The following FYCO1 variants were observed in gnomAD, a reference collection of about 807,000 sequenced individuals.
FYCO1 encodes FYVE and coiled-coil domain-containing protein 1.
Under a neutral mutation model 165.1 loss-of-function variants are expected in FYCO1, and 122 were observed. The observed-to-expected ratio is 0.74, with a 90% CI of 0.64 to 0.86. The LOEUF (loss-of-function observed/expected upper bound fraction) is 0.86. Ranked by LOEUF, FYCO1 falls within the 40% of genes least tolerant of loss-of-function variation. The probability of loss-of-function intolerance (pLI) is 0.00; values close to 1 mark genes in which losing one functional copy is unlikely to be tolerated. For synonymous variants in FYCO1, 648 were observed against 742.5 expected (o/e 0.87, Z 2.07); for missense variants, 1,702 against 1,810.3 (o/e 0.94, Z 1.09).
chr3:45,933,291 A>G (rs893532929), intron 15 of FYCO1, among the ~76,000 whole-genome samples: 1 of 152,186 alleles, frequency 6.6e-6, no homozygotes, highest in Admixed American at 6.5e-5. Context: ...CCAACCTTTA[A>G]CATGTTTTCA....
At chr3:45,989,613 A>G (rs1707476190) in intron 1 of FYCO1, among the ~76,000 whole-genome samples, 1 of 152,230 alleles carries the variant, frequency 6.6e-6, no homozygotes, top group Non-Finnish European at 1.5e-5. Context: ...TGCCTGGGTC[A>G]TCTTTCCCAA....
chr3:45,929,295 T>A (rs954054597), intron 16 of FYCO1, among the ~76,000 whole-genome samples: 5 of 151,884 alleles, frequency 3.3e-5, no homozygotes, highest in Non-Finnish European at 5.9e-5. Flanking sequence ...GGAGGAAGGC[T>A]CAGTAGGTCC....
chr3:45,980,640 G>A (rs1269781751), intron 3 of FYCO1, among the ~76,000 whole-genome samples: 2 of 152,206 alleles, frequency 1.3e-5, no homozygotes, highest in African/African-American at 2.4e-5. Context: ...CCTTCAGCAC[G>A]TTAGGGGCCT....
intron 8 of FYCO1, among the ~76,000 whole-genome samples, chr3:45,965,930 A>G (rs191555765): frequency 1.1e-4 from 16 of 152,340 alleles, no homozygotes; most frequent in Admixed American, 2.0e-4. Context: ...CAAGGTGAGG[A>G]CGCAGGCTTT....
At position 45,919,478 on chromosome 3, in the gene FYCO1, C is replaced by T. The variant is rs779095156; in HGVS notation, c.*2287G>A. Reference sequence around the variant, plus strand: ...TTTTTGAACAATAGCAGTCAGTGCTCAAGGTGTTGCACGCAAAACATCCAG... The same window carrying T: ...TTTTTGAACAATAGCAGTCAGTGCTTAAGGTGTTGCACGCAAAACATCCAG... On this transcript the variant is annotated 3_prime_UTR_variant, in exon 18 of 18. Coordinates refer to ENST00000296137, the MANE Select transcript of FYCO1 (RefSeq NM_024513.4). The T allele has an allele frequency of 2.0e-5, 3 of 152,232 alleles. No individual in the cohort carries two copies. Among genetic ancestry groups the T allele is most frequent in the Non-Finnish European group, 2.9e-5 (2 of 68,066 alleles). The allele number at this position is 152,232 out of a possible 1,614,324, so 9.4% of individuals were successfully genotyped here. A position where few individuals can be genotyped will look rare whatever the true frequency, so the allele number is the denominator to read the frequency against.
intron 1 of FYCO1, among the ~76,000 whole-genome samples, chr3:45,990,899 A>T (rs1313715737): frequency 6.6e-6 from 1 of 152,014 alleles, no homozygotes; most frequent in African/African-American, 2.4e-5. Context: ...CAGCCTCGTG[A>T]GTAGCTGGGG....
At chr3:45,976,807 A>G (rs1489919214) in intron 4 of FYCO1, among the ~76,000 whole-genome samples, 1 of 152,160 alleles carries the variant, frequency 6.6e-6, no homozygotes, top group Non-Finnish European at 1.5e-5. Context: ...CTTACTGCTG[A>G]CTCAAGGAAA....
chr3:45,966,768 G>A lies in FYCO1; in HGVS notation c.2566C>T (p.Gln856Ter), dbSNP rs1333511035. The A allele has an allele frequency of 1.2e-6, 2 of 1,610,244 alleles. No homozygotes were observed. Among genetic ancestry groups the A allele is most frequent in the Non-Finnish European group, 1.7e-6 (2 of 1,179,986 alleles). Residue 856 changes from glutamine to a stop codon, truncating the protein, a stop_gained, in exon 8 of 18, where the codon CAG becomes TAG. Coordinates refer to ENST00000296137, the MANE Select transcript of FYCO1 (RefSeq NM_024513.4). LOFTEE classifies it high-confidence loss of function. ...TGGGCCTCATCGGCCCTCTCCTCCT[G>A]CAGTGCCCCTTCACGCTCCGAGCAT... ...LQCSEREGAL[Q>*]EERADEAQQR...
At chr3:45,931,011 G>A (rs1391996601) in intron 16 of FYCO1, 60 bp downstream of exon 16, 44 of 1,509,748 alleles carry the variant, frequency 2.9e-5, no homozygotes, top group Non-Finnish European at 3.8e-5. Context: ...TTTGAGAAAG[G>A]CCTGCCCAAG....
chr3:45,958,269 T>A lies in FYCO1; in HGVS notation c.3799+139A>T, dbSNP rs1705467539. ...CAAAATGAAAGTCTCAAGTTGGTGG[T>A]AATATATTTTAGCACCTCTTTAATA... On this transcript the variant is annotated intron_variant, in intron 13 of 17. Coordinates refer to ENST00000296137, the MANE Select transcript of FYCO1 (RefSeq NM_024513.4). 4 of 704,308 alleles carry A rather than the reference T, an allele frequency of 5.7e-6. No homozygotes were observed. The East Asian group carries it at 1.1e-4, about 19-fold the overall frequency. The allele number at this position is 704,308 out of a possible 1,614,324, so 43.6% of individuals were successfully genotyped here.
chr3:45,943,043 G>A lies in FYCO1; in HGVS notation c.3945-6500C>T, dbSNP rs187007160. ...AAAGGCAGGATAATATCCACTGCAG[G>A]GCTGCTATGGGGCTTAACAGCTATC... On this transcript the variant is annotated intron_variant, in intron 14 of 17. Coordinates refer to ENST00000296137, the MANE Select transcript of FYCO1 (RefSeq NM_024513.4). Among the ~76,000 whole-genome samples the A allele has an allele frequency of 1.3e-3, 202 of 152,286 alleles. 1 individual carries two copies. Among genetic ancestry groups the A allele is most frequent in the Middle Eastern group, 0.01 (3 of 294 alleles).
At chr3:45,959,229 T>C (rs952093280) in intron 12 of FYCO1, among the ~76,000 whole-genome samples, 164 bp downstream of exon 12, 2 of 152,234 alleles carry the variant, frequency 1.3e-5, no homozygotes, top group African/African-American at 4.8e-5. Context: ...TCCCAACTAA[T>C]ACACCTTCCT....
At position 45,966,436 on chromosome 3, in the gene FYCO1, C is replaced by T. The variant is rs751081062; in HGVS notation, c.2898G>A (p.Lys966=). The T allele has an allele frequency of 1.9e-6, 3 of 1,612,728 alleles. No homozygotes were observed. Among genetic ancestry groups the T allele is most frequent in the South Asian group, 2.2e-5 (2 of 91,030 alleles). Residue 966 remains lysine (K), a synonymous_variant, in exon 8 of 18, where the codon AAG becomes AAA. Transcript: ENST00000296137. ...QEKESLQEKL[K]AAKAAAGSLP... ...GTGAGCCGGCTGCTGCCTTGGCCGC[C>T]TTCAGCTTCTCCTGCAAGCTCTCCT...
chr3:45,936,723 G>T (rs181217402), intron 14 of FYCO1, among the ~76,000 whole-genome samples, 180 bp from the exon 15 acceptor site: 1 of 152,236 alleles, frequency 6.6e-6, no homozygotes, highest in Admixed American at 6.5e-5. Context: ...GGCTGCAGGG[G>T]CCAGGGCCAA....
chr3:45,963,228 GCACACACACACAC>G (rs1705800607), intron 10 of FYCO1, among the ~76,000 whole-genome samples: 1 of 151,634 alleles, frequency 6.6e-6, no homozygotes, highest in African/African-American at 2.4e-5. Flanking sequence ...GTGTGTGCTT[GCACACACACACAC>G]CACACACACA....
chr3:45,946,261 TG>T (rs1173895762), intron 14 of FYCO1: 1 of 520,282 alleles, frequency 1.9e-6, no homozygotes, highest in Non-Finnish European at 3.4e-6. Flanking sequence ...TTCAGGCTAA[TG>T]GAGAGTCCTC....
At chr3:45,926,747 C>A in intron 16 of FYCO1, among the ~76,000 whole-genome samples, 1 of 152,192 alleles carries the variant, frequency 6.6e-6, no homozygotes, top group Non-Finnish European at 1.5e-5. Context: ...GGTGGATCAC[C>A]TGAGGTCAGG....
chr3:45,943,757 A>G (rs1704392123), intron 14 of FYCO1, among the ~76,000 whole-genome samples: 1 of 152,190 alleles, frequency 6.6e-6, no homozygotes, highest in African/African-American at 2.4e-5. Context: ...GTTTCCAGGC[A>G]CACAGTTAGT....
chr3:45,955,404 G>T lies in FYCO1; in HGVS notation c.3800-11C>A, dbSNP rs374837448. On this transcript the variant is annotated splice_polypyrimidine_tract_variant and intron_variant, in intron 13 of 17. Coordinates refer to ENST00000296137, the MANE Select transcript of FYCO1 (RefSeq NM_024513.4). ...AGTCTGTATTTGCTCCTGGGCAGCA[G>T]AGGCAGATCAGGAGAGAAGAGACAC... The T allele has an allele frequency of 9.2e-5, 148 of 1,614,016 alleles. No homozygotes were observed. The highest frequency in any genetic ancestry group is 1.2e-4 in the Non-Finnish European group (143 of 1,180,024).
Sources: allele counts gnomAD v4.1 joint callset (sites outside exome capture counted in the v4.1 genomes callset), GRCh38; gene constraint gnomAD v4.1.1; transcripts MANE v1.5; gene names NCBI Gene and HGNC (gene_info 2026-07-23, HGNC 2026-07-21).